TAFA1: variants seen among roughly 807,000 people sequenced by gnomAD.
The protein encoded by TAFA1 is TAFA chemokine like family member 1, also known as chemokine-like protein TAFA-1.
Under a neutral mutation model 18.5 loss-of-function variants are expected in TAFA1, and 4 were observed. The observed-to-expected ratio is 0.22, with a 90% confidence interval of 0.11 to 0.49. The LOEUF is 0.49. Ranked by LOEUF, TAFA1 falls within the 20% of genes least tolerant of loss-of-function variation. The pLI is 0.98. For synonymous variants in TAFA1, 56 were observed against 55.2 expected (o/e 1.01, Z -0.06); for missense variants, 147 against 169.0 (o/e 0.87, Z 0.72).
chr3:68,399,917 T>C (rs1343480116), intron 2 of TAFA1, among the ~76,000 whole-genome samples: 3 of 152,198 alleles, frequency 2.0e-5, no homozygotes, highest in African/African-American at 7.2e-5. Flanking sequence ...ATACCGCCTC[T>C]CTGCACTGGT....
intron 2 of TAFA1, among the ~76,000 whole-genome samples, chr3:68,302,511 T>G (rs1004546175): frequency 6.6e-6 from 1 of 152,222 alleles, no homozygotes; most frequent in Non-Finnish European, 1.5e-5. Context: ...CCCAGCTATT[T>G]GTCCATTGCC....
intron 2 of TAFA1, among the ~76,000 whole-genome samples, chr3:68,150,250 G>A (rs562595075): frequency 6.6e-6 from 1 of 152,252 alleles, no homozygotes; most frequent in African/African-American, 2.4e-5. Context: ...AAGCTGGTTT[G>A]CAGTTCCCAC....
At chr3:68,342,542 T>C (rs2069102159) in intron 2 of TAFA1, among the ~76,000 whole-genome samples, 1 of 152,224 alleles carries the variant, frequency 6.6e-6, no homozygotes, top group African/African-American at 2.4e-5. Flanking sequence ...TTGTGATACC[T>C]AAAGTGTCTT....
At chr3:68,061,142 G>A (rs1048129720) in intron 2 of TAFA1, among the ~76,000 whole-genome samples, 1 of 152,122 alleles carries the variant, frequency 6.6e-6, no homozygotes, top group African/African-American at 2.4e-5. Flanking sequence ...AAACTTCCCC[G>A]TGGAAAGCTC....
intron 3 of TAFA1, among the ~76,000 whole-genome samples, chr3:68,492,067 A>G (rs541571957): frequency 2.0e-5 from 3 of 152,350 alleles, no homozygotes; most frequent in East Asian, 1.9e-4. Context: ...CTGTACTTAC[A>G]TATTATGATC....
intron 2 of TAFA1, among the ~76,000 whole-genome samples, chr3:68,407,458 G>A (rs2070633329): frequency 6.6e-6 from 1 of 152,094 alleles, no homozygotes; most frequent in African/African-American, 2.4e-5. Context: ...ATTAGGACAA[G>A]AATTGAAATG....
chr3:68,120,469 G>A (rs1399179641), intron 2 of TAFA1, among the ~76,000 whole-genome samples: 4 of 151,946 alleles, frequency 2.6e-5, no homozygotes, highest in Non-Finnish European at 5.9e-5. Context: ...GGCTGGTCTC[G>A]AACTCCTGAT....
chr3:68,516,410 T>C (rs2072921482), intron 3 of TAFA1, among the ~76,000 whole-genome samples: 1 of 152,214 alleles, frequency 6.6e-6, no homozygotes, highest in Non-Finnish European at 1.5e-5. Flanking sequence ...CTTCAAGAAA[T>C]GTTAGCCTTG....
rs541557749 is a variant in TAFA1, at chr3:68,499,784, A to G, written c.260-38972A>G. ...TTATTAGAAGCAAAGGGCAGTTTTG[A>G]AAATGTATGTCTGTCAAGATTCTCT... On this transcript the variant is annotated intron_variant, in intron 3 of 4. Coordinates refer to ENST00000478136, the MANE Select transcript of TAFA1 (RefSeq NM_213609.4). 4.1e-4 allele frequency among the ~76,000 whole-genome samples: 62 copies of G among 151,970 alleles called. 1 individual carries two copies. In the South Asian group the frequency reaches 0.013, roughly 31 times the overall value.
At chr3:68,541,274 C>T (rs1416287111) in intron 4 of TAFA1, among the ~76,000 whole-genome samples, 1 of 152,180 alleles carries the variant, frequency 6.6e-6, no homozygotes, top group Non-Finnish European at 1.5e-5. Context: ...CCCTCCTTCT[C>T]AAGAAATTTG....
chr3:68,195,205 T>C (rs2066396091), intron 2 of TAFA1, among the ~76,000 whole-genome samples: 1 of 151,148 alleles, frequency 6.6e-6, no homozygotes, highest in African/African-American at 2.4e-5. Context: ...TTTGTTTAAA[T>C]ATAAAAATGG....
At chr3:68,038,229 A>G (rs1705092977) in intron 2 of TAFA1, among the ~76,000 whole-genome samples, 1 of 152,170 alleles carries the variant, frequency 6.6e-6, no homozygotes. Context: ...AATCTTCCTT[A>G]TGATTTTTTA....
chr3:68,485,558 T>G (rs13080569), intron 3 of TAFA1, among the ~76,000 whole-genome samples: 29,724 of 152,086 alleles, frequency 0.2, 3,026 homozygotes, highest in African/African-American at 0.22. Context: ...TCTAAGGTAT[T>G]TCAATTCCTC....
intron 2 of TAFA1, chr3:68,192,618 T>C (rs1342732159): frequency 2.0e-5 from 3 of 152,044 alleles, no homozygotes; most frequent in East Asian, 3.9e-4. Context: ...TTATTTTATA[T>C]ATCAATATCC....
intron 3 of TAFA1, among the ~76,000 whole-genome samples, chr3:68,440,056 C>A (rs2071345351): frequency 6.6e-6 from 1 of 151,382 alleles, no homozygotes; most frequent in Non-Finnish European, 1.5e-5. Context: ...CCCTCCAAAT[C>A]TCATCTCAAA....
intron 2 of TAFA1, among the ~76,000 whole-genome samples, chr3:68,200,309 C>G (rs2066456423): frequency 6.6e-6 from 1 of 151,468 alleles, no homozygotes; most frequent in South Asian, 2.1e-4. Context: ...CTTGTAATGT[C>G]TTTGTCTGGT....
At chr3:68,314,612 T>G (rs796269697) in intron 2 of TAFA1, among the ~76,000 whole-genome samples, 2 of 152,240 alleles carry the variant, frequency 1.3e-5, no homozygotes, top group East Asian at 3.8e-4. Context: ...TGATTTGTGA[T>G]GGCTACTAGT....
chr3:68,341,182 T>G (rs1351053742), intron 2 of TAFA1, among the ~76,000 whole-genome samples: 1 of 152,164 alleles, frequency 6.6e-6, no homozygotes, highest in Non-Finnish European at 1.5e-5. Context: ...AATACTCAAA[T>G]CAGTCTCTCC....
Position 68,191,616 on chromosome 3 carries a change from C to T in TAFA1, c.118+184872C>T, listed in dbSNP as rs1006433923. On this transcript the variant is annotated intron_variant, in intron 2 of 4. Coordinates refer to ENST00000478136, the MANE Select transcript of TAFA1 (RefSeq NM_213609.4). ...TCAAATTGGACTGTGTTCATCAGCT[C>T]ATCCTAACTCTATAGTTGCCACAAA... Among the ~76,000 whole-genome samples the T allele has an allele frequency of 5.9e-5, 9 of 151,906 alleles. No individual in the cohort carries two copies. In the South Asian group the frequency reaches 1.2e-3, roughly 21 times the overall value.
Sources: gnomAD v4.1 joint callset for allele counts (sites outside exome capture counted in the v4.1 genomes callset) on GRCh38, gnomAD v4.1.1 for gene constraint, MANE v1.5 for transcripts, NCBI Gene and HGNC (gene_info 2026-07-23, HGNC 2026-07-21) for gene names.